Variants in MILR1 observed in about 807,000 individuals in gnomAD.
MILR1 encodes the protein allergin-1.
In MILR1, 31 loss-of-function variants were observed where a neutral mutation model predicts 18.5. That is an observed-to-expected ratio of 1.68 (90% CI 1.26 to 2.26). The LOEUF (loss-of-function observed/expected upper bound fraction) is 2.26, where lower values mean the gene tolerates loss of function less well. Among genes scored for constraint, MILR1 ranks in the 30% most tolerant of loss-of-function variants. The probability of loss-of-function intolerance (pLI) is 0.00; values close to 1 mark genes in which losing one functional copy is unlikely to be tolerated. For synonymous variants in MILR1, 85 were observed against 56.2 expected (o/e 1.51, Z -2.30); for missense variants, 257 against 157.4 (o/e 1.63, Z -3.38).
At chr17:64,450,380 A>G (rs2037142540) in intron 2 of MILR1, among the ~76,000 whole-genome samples, 1 of 152,198 alleles carries the variant, frequency 6.6e-6, no homozygotes, top group African/African-American at 2.4e-5. Context: ...TTGTTACTGT[A>G]TAAAATGTAA....
downstream of MILR1, among the ~76,000 whole-genome samples, chr17:64,473,305 C>T (rs1005359424): frequency 2.7e-5 from 4 of 149,628 alleles, no homozygotes; most frequent in African/African-American, 1.0e-4. Context: ...GAGCCCAGAT[C>T]GCGCCACTGC....
the MILR1 span, chr17:64,496,754 ATC>A: frequency 6.2e-7 from 1 of 1,613,656 alleles, no homozygotes; most frequent in African/African-American, 1.3e-5. Context: ...TCTCTGACAG[ATC>A]TCTAACAGCG....
the MILR1 span, among the ~76,000 whole-genome samples, chr17:64,488,026 T>C: frequency 3.3e-5 from 5 of 152,110 alleles, no homozygotes; most frequent in African/African-American, 1.2e-4. Flanking sequence ...CTCTAAAAAA[T>C]ATATTTGGAC....
chr17:64,476,724 A>T, the MILR1 span, among the ~76,000 whole-genome samples: 13 of 152,088 alleles, frequency 8.5e-5, no homozygotes, highest in African/African-American at 2.9e-4. Flanking sequence ...GCAGTGGCTC[A>T]AAATTGTTAT....
At chr17:64,496,965 G>T in the MILR1 span, 2 of 1,604,576 alleles carry the variant, frequency 1.2e-6, no homozygotes, top group Non-Finnish European at 1.7e-6. Context: ...ACACGAGAGC[G>T]CATCTCTCTC....
Position 64,452,659 on chromosome 17 carries a change from A to G in MILR1, c.160A>G (p.Met54Val). ...GGTTATGAAGGGTCAAAATGTATCT[A>G]TGTTTTGTTCCCATAAGAACAAATC... is the stretch of plus-strand genomic sequence containing the variant. The part of the protein sequence containing the change: ...KVVMKGQNVS[M>V]FCSHKNKSLQ... The change falls in exon 3 of 10, where the codon ATG (methionine) becomes GTG (valine). Residue 54 changes from methionine (M) to valine (V), a missense_variant. Met to Val is a conservative substitution (Grantham distance 21). Transcript: ENST00000619286. The G allele has an allele frequency of 2.2e-6, 1 of 463,468 alleles. No homozygotes were observed. The allele number at this position is 463,468 out of a possible 1,614,324, so 28.7% of individuals were successfully genotyped here. A position where few individuals can be genotyped will look rare whatever the true frequency, so the allele number is the denominator to read the frequency against.
chr17:64,459,927 G>A (rs1314061505), intron 4 of MILR1, among the ~76,000 whole-genome samples: 3 of 151,582 alleles, frequency 2.0e-5, no homozygotes, highest in African/African-American at 7.3e-5. Context: ...TCTTCTTTGG[G>A]TGGCCCCTGT....
the MILR1 span, among the ~76,000 whole-genome samples, chr17:64,484,664 G>T: frequency 6.6e-6 from 1 of 152,104 alleles, no homozygotes; most frequent in East Asian, 1.9e-4. Context: ...ATTTGCTGAT[G>T]GTTTGGAAGT....
Position 64,465,479 on chromosome 17 carries a change from G to A in MILR1, c.791G>A (p.Arg264Lys), listed in dbSNP as rs1182469809. The change falls in exon 6 of 10, where the codon AGG becomes AAG. Residue 264 changes from arginine (R) to lysine (K), a missense_variant. By Grantham distance (26) the Arg-to-Lys change is conservative. Transcript: ENST00000619286. Reference sequence around the variant, plus strand: ...AAAGCTATGAGAAATAATGTGCCCAGGGACCGTGGAGACACAGCCATGGAA... The same window carrying A: ...AAAGCTATGAGAAATAATGTGCCCAAGGACCGTGGAGACACAGCCATGGAA... Reference protein sequence around the residue: ...TRKAMRNNVPRDRGDTAMEVG... With the variant: ...TRKAMRNNVPKDRGDTAMEVG... The A allele has an allele frequency of 1.2e-6, 2 of 1,610,234 alleles. No homozygotes were observed. The highest frequency in any genetic ancestry group is 1.7e-6 in the Non-Finnish European group (2 of 1,178,374).
the MILR1 span, among the ~76,000 whole-genome samples, chr17:64,494,301 C>T: frequency 6.6e-6 from 1 of 152,170 alleles, no homozygotes; most frequent in Non-Finnish European, 1.5e-5. Context: ...ATGTGTGTAT[C>T]TTATTGCATC....
the MILR1 span, chr17:64,483,037 G>A: frequency 9.9e-7 from 1 of 1,010,976 alleles, no homozygotes. Context: ...AGACAGGAAA[G>A]GGGAAAAAGC....
rs2037634870 is a variant in MILR1 at position 64,468,557 on chromosome 17, G to A, written c.*276G>A. The A allele has an allele frequency of 9.0e-7, 1 of 1,106,678 alleles. No homozygotes were observed. Among genetic ancestry groups the A allele is most frequent in the Non-Finnish European group, 1.1e-6 (1 of 882,626 alleles). The allele number at this position is 1,106,678 out of a possible 1,614,324, so 68.6% of individuals were successfully genotyped here. A position where few individuals can be genotyped will look rare whatever the true frequency, so the allele number is the denominator to read the frequency against. Reference sequence around the variant, plus strand: ...GCCTGCCTCGGCCTCCCAAAGTGCTGGAACTACAAGCCTGAGCCACCGTGC... The same window carrying A: ...GCCTGCCTCGGCCTCCCAAAGTGCTAGAACTACAAGCCTGAGCCACCGTGC... On this transcript the variant is annotated 3_prime_UTR_variant, in exon 10 of 10. Transcript: ENST00000619286.
chr17:64,489,857 G>C, the MILR1 span, among the ~76,000 whole-genome samples: 2 of 152,096 alleles, frequency 1.3e-5, no homozygotes, highest in Non-Finnish European at 2.9e-5. Context: ...GGCAAAATTT[G>C]GTGACAAAGA....
chr17:64,478,278 C>T, the MILR1 span, among the ~76,000 whole-genome samples: 4 of 151,084 alleles, frequency 2.6e-5, no homozygotes, highest in East Asian at 1.9e-4. Context: ...ACAGAAGAAC[C>T]GCATAATAAC....
the MILR1 span, chr17:64,491,076 A>C: frequency 1.1e-6 from 1 of 908,512 alleles, no homozygotes; most frequent in Non-Finnish European, 1.8e-6. Flanking sequence ...TTATTCAGCA[A>C]ATGTGCGAAA....
At chr17:64,481,711 A>C in the MILR1 span, among the ~76,000 whole-genome samples, 2 of 151,966 alleles carry the variant, frequency 1.3e-5, no homozygotes, top group Admixed American at 1.3e-4. Context: ...TGTCTCTACT[A>C]AAAATACTAA....
At chr17:64,477,813 A>G in the MILR1 span, 3 of 1,558,758 alleles carry the variant, frequency 1.9e-6, no homozygotes, top group South Asian at 1.2e-5. Context: ...TATTATACAA[A>G]TATAAAAATC....
chr17:64,452,623 A>C lies in MILR1; in HGVS notation c.124A>C (p.Lys42Gln). The change falls in exon 3 of 10, where the codon AAG (lysine) becomes CAG (glutamine). Residue 42 changes from lysine to glutamine, a missense_variant. Lys to Gln is a moderately conservative substitution (Grantham distance 53). Coordinates refer to ENST00000619286, the MANE Select transcript of MILR1 (RefSeq NM_001085423.2). The stretch of plus-strand genomic sequence containing the variant: ...ATTCCCTTCTCCATGTTTGGACTCA[A>C]AGACTAAGGTGGTTATGAAGGGTCA... ...NEFPSPCLDS[K>Q]TKVVMKGQNV... The C allele has an allele frequency of 2.3e-6, 1 of 427,576 alleles. No individual in the cohort carries two copies. The highest frequency in any genetic ancestry group is 4.3e-6 in the Non-Finnish European group (1 of 233,628). 26.5% of individuals were successfully genotyped at this position (427,576 alleles called of 1,614,324 possible).
chr17:64,490,981 A>C, the MILR1 span: 1 of 1,606,000 alleles, frequency 6.2e-7, no homozygotes, highest in Non-Finnish European at 8.5e-7. Context: ...TGGAAAAGAA[A>C]ATTTAAGTTT....
Sources: allele counts gnomAD v4.1 joint callset (sites outside exome capture counted in the v4.1 genomes callset), GRCh38; gene constraint gnomAD v4.1.1; transcripts MANE v1.5; gene names NCBI Gene and HGNC (gene_info 2026-07-23, HGNC 2026-07-21).